The following UGT2B4 variants were observed in gnomAD, a reference collection of about 807,000 sequenced individuals.
The protein encoded by UGT2B4 is UDP glucuronosyltransferase family 2 member B4.
A neutral mutation model predicts 49.8 loss-of-function variants in UGT2B4; 49 were observed. The ratio of observed to expected loss-of-function variants is 0.98; its 90% CI spans 0.78 to 1.25. The LOEUF is 1.25. Ranked by LOEUF, UGT2B4 falls within the 50% of genes most tolerant of loss-of-function variation. The pLI, the probability that UGT2B4 is intolerant of heterozygous loss-of-function variation, is 0.00. For synonymous variants in UGT2B4, 246 were observed against 217.7 expected (o/e 1.13, Z -1.14); for missense variants, 729 against 627.7 (o/e 1.16, Z -1.73).
At chr4:69,511,715 A>G (rs979408127) in intron 1 of UGT2B4, among the ~76,000 whole-genome samples, 3 of 152,022 alleles carry the variant, frequency 2.0e-5, no homozygotes, top group African/African-American at 7.2e-5. Flanking sequence ...TTTTCTTTTC[A>G]GATTTTTGGA....
At chr4:69,486,041 G>A (rs370841962) in intron 4 of UGT2B4, among the ~76,000 whole-genome samples, 2 of 152,268 alleles carry the variant, frequency 1.3e-5, no homozygotes, top group South Asian at 2.1e-4. Flanking sequence ...GATTGCAGGC[G>A]TGAGCCACCG....
intron 1 of UGT2B4, among the ~76,000 whole-genome samples, chr4:69,506,223 T>C (rs1324853810): frequency 6.6e-6 from 1 of 151,082 alleles, no homozygotes; most frequent in Non-Finnish European, 1.5e-5. Context: ...ATAATGAAAA[T>C]CAGAGATGAA....
intron 1 of UGT2B4, among the ~76,000 whole-genome samples, chr4:69,515,461 A>G (rs1407780735): frequency 6.6e-6 from 1 of 152,200 alleles, no homozygotes; most frequent in Non-Finnish European, 1.5e-5. Flanking sequence ...TTCTTTAACT[A>G]ATGAGAACAA....
chr4:69,502,961 T>C (rs1255825873), intron 1 of UGT2B4, among the ~76,000 whole-genome samples: 1 of 116,570 alleles, frequency 8.6e-6, no homozygotes, highest in Admixed American at 9.9e-5. Context: ...CATTGAGTGA[T>C]TGCTGACCAG....
chr4:69,511,525 C>G (rs1199986023), intron 1 of UGT2B4, among the ~76,000 whole-genome samples: 7 of 152,068 alleles, frequency 4.6e-5, no homozygotes, highest in African/African-American at 1.7e-4. Flanking sequence ...GAATGAACCT[C>G]TTAATATGCT....
At chr4:69,501,473 C>T (rs527449225) in intron 1 of UGT2B4, among the ~76,000 whole-genome samples, 192 of 152,166 alleles carry the variant, frequency 1.3e-3, no homozygotes, top group Middle Eastern at 6.8e-3. Flanking sequence ...GCTGTTTGGG[C>T]GACTTAGCAA....
At chr4:69,503,162 C>T (rs1049249506) in intron 1 of UGT2B4, among the ~76,000 whole-genome samples, 11 of 152,252 alleles carry the variant, frequency 7.2e-5, no homozygotes, top group African/African-American at 9.6e-5. Flanking sequence ...TGGTCTTTTC[C>T]GGGCAATTCT....
At chr4:69,520,049 G>T (rs977975467) in intron 1 of UGT2B4, among the ~76,000 whole-genome samples, 3 of 152,034 alleles carry the variant, frequency 2.0e-5, no homozygotes, top group African/African-American at 4.8e-5. Flanking sequence ...TATAATAATA[G>T]ATTTTTTAAA....
Position 69,502,095 on chromosome 4 carries a change from T to TTCTTTC in UGT2B4, c.-105-6135_-105-6130dup, listed in dbSNP as rs1466270562. Among the ~76,000 whole-genome samples, 4 of 82,362 alleles carry TTCTTTC rather than the reference T, an allele frequency of 4.9e-5. No homozygotes were observed. The East Asian group carries it at 1.2e-3, about 25-fold the overall frequency. The allele number at this position is 82,362 out of a possible 152,430, so 54.0% of individuals were successfully genotyped here. Reference sequence around the variant, plus strand: ...CTTTTCTTTCTTTCTTTCTCTCTCTTTCTTTCTTTCTTTCTTTCTTTCTTT... The same window carrying TTCTTTC: ...CTTTTCTTTCTTTCTTTCTCTCTCTTTCTTTCTCTTTCTTTCTTTCTTTCTTTCTTT... On this transcript the variant is annotated intron_variant, in intron 1 of 1. Coordinates refer to the UGT2B4 transcript ENST00000510114.
chr4:69,504,764 C>T lies in UGT2B4; in HGVS notation c.-105-8798G>A, dbSNP rs570201690. The stretch of plus-strand genomic sequence containing the variant: ...AAATGCAGAGAACCCCAGTAAGATA[C>T]TCCATGAGAAGATTATCATCAAGAC... On this transcript the variant is annotated intron_variant, in intron 1 of 1. Transcript: ENST00000510114. Among the ~76,000 whole-genome samples the T allele has an allele frequency of 6.6e-5, 10 of 152,076 alleles. No individual in the cohort carries two copies. The South Asian group carries it at 2.1e-3, about 32-fold the overall frequency.
chr4:69,503,489 A>G (rs1175489986), intron 1 of UGT2B4, among the ~76,000 whole-genome samples: 1 of 152,164 alleles, frequency 6.6e-6, no homozygotes, highest in East Asian at 1.9e-4. Flanking sequence ...ACAGGAGTGC[A>G]GTACACCCTC....
At chr4:69,488,063 G>T (rs1727847401) in intron 3 of UGT2B4, among the ~76,000 whole-genome samples, 1 of 152,012 alleles carries the variant, frequency 6.6e-6, no homozygotes, top group African/African-American at 2.4e-5. Context: ...TGCTGCAAAG[G>T]TAGCATGTAT....
chr4:69,480,886 T>C lies in UGT2B4; in HGVS notation c.1335A>G (p.Leu445=), dbSNP rs980930084. 2 of 1,613,694 alleles carry C rather than the reference T, an allele frequency of 1.2e-6. No individual in the cohort carries two copies. Among genetic ancestry groups the C allele is most frequent in the Non-Finnish European group, 1.7e-6 (2 of 1,179,824 alleles). The change falls in exon 6 of 6, where the codon TTA becomes TTG. Residue 445 remains leucine, a synonymous_variant. Coordinates refer to ENST00000305107, the MANE Select transcript of UGT2B4 (RefSeq NM_021139.3). ...DPLYKENAMK[L]SRIHHDQPVK... is the part of the protein sequence containing the mutation. ...CTGGTTGATCATGATGAATTCTTGATAATTTCATAGCATTCTCTTTATATC... is the reference window on the plus strand; with the variant it reads ...CTGGTTGATCATGATGAATTCTTGACAATTTCATAGCATTCTCTTTATATC...
chr4:69,521,767 G>A (rs1015091282), intron 1 of UGT2B4, among the ~76,000 whole-genome samples: 1 of 152,154 alleles, frequency 6.6e-6, no homozygotes, highest in Non-Finnish European at 1.5e-5. Context: ...ATATCCCGAG[G>A]ATCTCATGAC....
rs41299974 is a variant in UGT2B4, at chr4:69,495,742, C to T, written c.120G>A (p.Lys40=). The T allele has an allele frequency of 5.6e-6, 9 of 1,613,934 alleles. No homozygotes were observed. The highest frequency in any genetic ancestry group is 7.6e-6 in the Non-Finnish European group (9 of 1,179,968). ...TCTGGACAAGTTCATCCAGGATTGT[C>T]TTTATATTCATCCAGTGGCTGAATT... ...PTEFSHWMNI[K]TILDELVQRG... The change falls in exon 1 of 6, where the codon AAG becomes AAA. Residue 40 remains lysine, a synonymous_variant. Transcript: ENST00000305107.
rs752632538 is a variant in UGT2B4, at chr4:69,485,399, A to T, written c.1119T>A (p.Thr373=). 2.6e-5 allele frequency: 42 copies of T among 1,613,752 alleles called. No individual in the cohort carries two copies. The highest frequency in any genetic ancestry group is 3.4e-5 in the Non-Finnish European group (40 of 1,179,816). The change falls in exon 5 of 6, where the codon ACT becomes ACA. Residue 373 remains threonine (T), a synonymous_variant. Coordinates refer to ENST00000305107, the MANE Select transcript of UGT2B4 (RefSeq NM_021139.3). ...CATAGATGCCATTGGCTCCACCATG[A>T]GTTATAAAAGCTCTGGTTTTTGGGT... ...LGHPKTRAFI[T]HGGANGIYEA... is the part of the protein sequence containing the mutation.
rs1259714505 is a variant in UGT2B4 at position 69,510,982 on chromosome 4, C to CTTTTTTTTTT, written c.-106+14704_-106+14705insAAAAAAAAAA. ...GCTTTTCATAAATACTCTTTCTTTT[C>CTTTTTTTTTT]TTTTCTTCTTTTTTTTTTTTTTTTT... On this transcript the variant is annotated intron_variant, in intron 1 of 1. Coordinates refer to the UGT2B4 transcript ENST00000510114. 1.8e-3 allele frequency among the ~76,000 whole-genome samples: 202 copies of CTTTTTTTTTT among 110,872 alleles called. 4 individuals are homozygous for CTTTTTTTTTT. The highest frequency in any genetic ancestry group is 2.5e-3 in the Non-Finnish European group (142 of 56,274). 72.7% of individuals were successfully genotyped at this position (110,872 alleles called of 152,430 possible).
upstream of UGT2B4, among the ~76,000 whole-genome samples, chr4:69,496,621 G>C (rs1306810085): frequency 6.6e-6 from 1 of 152,100 alleles, no homozygotes; most frequent in Non-Finnish European, 1.5e-5. Flanking sequence ...CAATTTTAGA[G>C]AACTCTTATC....
chr4:69,523,939 A>G (rs1728902871), intron 1 of UGT2B4, among the ~76,000 whole-genome samples: 1 of 152,050 alleles, frequency 6.6e-6, no homozygotes, highest in Non-Finnish European at 1.5e-5. Flanking sequence ...TCTTTTACTA[A>G]GTTTCATGAG....
Sources: allele counts gnomAD v4.1 joint callset (sites outside exome capture counted in the v4.1 genomes callset), GRCh38; gene constraint gnomAD v4.1.1; transcripts MANE v1.5; gene names NCBI Gene and HGNC (gene_info 2026-07-23, HGNC 2026-07-21).